KHDRBS2: variants seen among roughly 807,000 people sequenced by gnomAD.
The protein encoded by KHDRBS2 is KH domain-containing, RNA-binding, signal transduction-associated protein 2.
Under a neutral mutation model 44.3 loss-of-function variants are expected in KHDRBS2, and 26 were observed. That is an observed-to-expected ratio of 0.59 (90% CI 0.43 to 0.81). The LOEUF is 0.81. Among genes scored for constraint, KHDRBS2 ranks in the 40% least tolerant of loss-of-function variants. KHDRBS2 has a pLI of 0.00. For missense variants in KHDRBS2, 476 were observed against 433.1 expected, an observed-to-expected ratio of 1.10 and a Z score of -0.88; for synonymous variants, 194 against 151.1, an observed-to-expected ratio of 1.28 and a Z score of -2.08.
intron 1 of KHDRBS2, among the ~76,000 whole-genome samples, chr6:62,194,732 C>A (rs1053055047): frequency 6.6e-5 from 10 of 151,664 alleles, no homozygotes; most frequent in African/African-American, 2.4e-4. Flanking sequence ...CTCTCAAACT[C>A]CTGATCTCAA....
the KHDRBS2 span, among the ~76,000 whole-genome samples, chr6:61,593,554 G>A: frequency 1.3e-4 from 20 of 150,128 alleles, no homozygotes; most frequent in Non-Finnish European, 2.7e-4. Flanking sequence ...ATTATAGTAA[G>A]ACTAATTTAT....
At chr6:62,221,528 C>G (rs1432671734) in intron 1 of KHDRBS2, among the ~76,000 whole-genome samples, 1 of 151,948 alleles carries the variant, frequency 6.6e-6, no homozygotes, top group Non-Finnish European at 1.5e-5. Flanking sequence ...TTCTATTAAC[C>G]ATTTTGTTAT....
At chr6:61,729,259 T>C (rs562476133) in intron 7 of KHDRBS2, among the ~76,000 whole-genome samples, 197 of 152,140 alleles carry the variant, frequency 1.3e-3, no homozygotes, top group African/African-American at 4.6e-3. Context: ...TTCCCACTTA[T>C]AAGTGGGAGC....
intron 2 of KHDRBS2, among the ~76,000 whole-genome samples, chr6:62,108,069 G>A (rs1469102781): frequency 6.6e-6 from 1 of 152,122 alleles, no homozygotes; most frequent in Non-Finnish European, 1.5e-5. Context: ...AAAAGCAATG[G>A]CAACAAAAGG....
At chr6:61,837,122 T>A (rs562329986) in intron 6 of KHDRBS2, among the ~76,000 whole-genome samples, 1 of 152,108 alleles carries the variant, frequency 6.6e-6, no homozygotes, top group East Asian at 1.9e-4. Flanking sequence ...CCCTAAATGA[T>A]GTTAGGCTGA....
the KHDRBS2 span, among the ~76,000 whole-genome samples, chr6:61,573,039 G>C: frequency 2.0e-5 from 3 of 152,122 alleles, no homozygotes; most frequent in Non-Finnish European, 4.4e-5. Context: ...GTCGCTGTTT[G>C]CTATTTATAT....
chr6:62,155,493 G>A (rs547450879), intron 2 of KHDRBS2, among the ~76,000 whole-genome samples: 60 of 152,294 alleles, frequency 3.9e-4, no homozygotes, highest in African/African-American at 1.4e-3. Flanking sequence ...GGCAGAAGAT[G>A]AGATTGCCTG....
intron 6 of KHDRBS2, among the ~76,000 whole-genome samples, chr6:61,883,539 C>T (rs1015729152): frequency 2.6e-5 from 4 of 151,942 alleles, no homozygotes; most frequent in Non-Finnish European, 4.4e-5. Flanking sequence ...TCTAAAATGA[C>T]TTAAAATTTA....
At chr6:61,883,290 C>T (rs1336289877) in intron 6 of KHDRBS2, among the ~76,000 whole-genome samples, 1 of 152,014 alleles carries the variant, frequency 6.6e-6, no homozygotes, top group Non-Finnish European at 1.5e-5. Flanking sequence ...CCCGTGTCTA[C>T]AGCACAAATT....
intron 2 of KHDRBS2, among the ~76,000 whole-genome samples, chr6:62,139,665 A>T (rs1403553415): frequency 6.6e-6 from 1 of 152,160 alleles, no homozygotes; most frequent in Non-Finnish European, 1.5e-5. Context: ...CAATATACAT[A>T]TTTCACATTA....
the KHDRBS2 span, among the ~76,000 whole-genome samples, chr6:61,642,771 T>C: frequency 1.3e-5 from 2 of 152,174 alleles, no homozygotes; most frequent in Admixed American, 6.5e-5. Context: ...TGCCATCATG[T>C]TCCAACAAAT....
chr6:62,224,036 A>C (rs1358163585), intron 1 of KHDRBS2, among the ~76,000 whole-genome samples: 1 of 152,178 alleles, frequency 6.6e-6, no homozygotes, highest in Non-Finnish European at 1.5e-5. Context: ...CATTCGCAGT[A>C]CCAATTTACT....
chr6:62,169,046 T>TATATATATATATATATATATAC (rs1388413177), intron 2 of KHDRBS2, among the ~76,000 whole-genome samples: 3 of 140,400 alleles, frequency 2.1e-5, no homozygotes, highest in African/African-American at 7.8e-5. Context: ...TATATATATA[T>TATATATATATATATATATATAC]ATATATATAT....
chr6:61,694,497 A>G lies in KHDRBS2; in HGVS notation c.952+2698T>C, dbSNP rs554688818. 1.6e-4 allele frequency among the ~76,000 whole-genome samples: 24 copies of G among 152,294 alleles called. 1 individual carries two copies. The highest frequency in any genetic ancestry group is 5.5e-4 in the African/African-American group (23 of 41,580). ...GAAAGGCCCAGTTTGTGTCTTATTC[A>G]TTGATCATCCTGTGTAACCAATTGT... On this transcript the variant is annotated intron_variant, in intron 8 of 8. Transcript: ENST00000281156.
chr6:61,581,273 CT>C, the KHDRBS2 span, among the ~76,000 whole-genome samples: 4 of 152,024 alleles, frequency 2.6e-5, no homozygotes, highest in African/African-American at 9.7e-5. Flanking sequence ...TGCTTGTGTT[CT>C]TTTTTTCTGT....
intron 1 of KHDRBS2, among the ~76,000 whole-genome samples, chr6:62,209,413 T>C (rs1828623579): frequency 1.3e-5 from 2 of 152,204 alleles, no homozygotes; most frequent in Non-Finnish European, 2.9e-5. Flanking sequence ...CATTTCTCAA[T>C]GAATTGTGTA....
At chr6:61,978,822 G>A (rs1773261132) in intron 3 of KHDRBS2, among the ~76,000 whole-genome samples, 1 of 151,970 alleles carries the variant, frequency 6.6e-6, no homozygotes. Context: ...TTAAAGGGTG[G>A]TTTAACATTT....
chr6:62,057,109 T>A (rs542376778), intron 2 of KHDRBS2, among the ~76,000 whole-genome samples: 2 of 151,974 alleles, frequency 1.3e-5, no homozygotes, highest in Admixed American at 6.6e-5. Flanking sequence ...ATGAGCAACA[T>A]TAACTATATA....
chr6:61,557,335 A>G, the KHDRBS2 span, among the ~76,000 whole-genome samples: 2 of 152,234 alleles, frequency 1.3e-5, no homozygotes, highest in Non-Finnish European at 2.9e-5. Context: ...GTAAATAAAA[A>G]CAATAATGAA....
Sources: gnomAD v4.1 joint callset for allele counts (sites outside exome capture counted in the v4.1 genomes callset) on GRCh38, gnomAD v4.1.1 for gene constraint, MANE v1.5 for transcripts, NCBI Gene and HGNC (gene_info 2026-07-23, HGNC 2026-07-21) for gene names.